The following TTC33 variants were observed in gnomAD, a reference collection of about 807,000 sequenced individuals.
TTC33 encodes tetratricopeptide repeat domain 33.
TTC33 carries 24 observed loss-of-function variants against 29.4 expected under a neutral mutation model. The ratio of observed to expected loss-of-function variants is 0.82; its 90% CI spans 0.59 to 1.15. The LOEUF (loss-of-function observed/expected upper bound fraction) is 1.15, where lower values mean the gene tolerates loss of function less well. Among genes scored for constraint, TTC33 ranks in the 50% most tolerant of loss-of-function variants. The pLI is 0.00. For missense variants in TTC33, 286 were observed against 310.4 expected (o/e 0.92, Z 0.59); for synonymous variants, 107 against 100.3 (o/e 1.07, Z -0.40).
At chr5:40,732,005 T>C (rs1385906253) in intron 2 of TTC33, among the ~76,000 whole-genome samples, 1 of 152,210 alleles carries the variant, frequency 6.6e-6, no homozygotes, top group Non-Finnish European at 1.5e-5. Flanking sequence ...TAAGTGAATA[T>C]AAATTTGGTG....
intron 2 of TTC33, among the ~76,000 whole-genome samples, chr5:40,737,484 C>T (rs1053669933): frequency 2.0e-5 from 3 of 152,074 alleles, no homozygotes; most frequent in Admixed American, 6.6e-5. Flanking sequence ...AAATTCAGAA[C>T]ACAAAGACAT....
At chr5:40,754,514 G>A (rs1019262408) in intron 1 of TTC33, among the ~76,000 whole-genome samples, 8 of 152,148 alleles carry the variant, frequency 5.3e-5, no homozygotes, top group African/African-American at 1.9e-4. Flanking sequence ...TAGTCACTGT[G>A]GAGATAAGGA....
At chr5:40,723,256 A>G (rs1445450041) in intron 4 of TTC33, among the ~76,000 whole-genome samples, 1 of 152,080 alleles carries the variant, frequency 6.6e-6, no homozygotes, top group East Asian at 1.9e-4. Flanking sequence ...AAGAGTCATC[A>G]CCACTCCCTA....
intron 2 of TTC33, among the ~76,000 whole-genome samples, chr5:40,735,951 C>G (rs1742540670): frequency 6.6e-6 from 1 of 152,074 alleles, no homozygotes; most frequent in Non-Finnish European, 1.5e-5. Context: ...GCAGTGGGAG[C>G]AGAGAAATGG....
intron 4 of TTC33, among the ~76,000 whole-genome samples, chr5:40,723,848 G>C (rs1742215483): frequency 6.6e-6 from 1 of 152,070 alleles, no homozygotes; most frequent in Admixed American, 6.6e-5. Flanking sequence ...CTGGGCGACA[G>C]AGCAAGATTC....
At chr5:40,748,224 G>C (rs1374133412) in intron 1 of TTC33, among the ~76,000 whole-genome samples, 1 of 150,812 alleles carries the variant, frequency 6.6e-6, no homozygotes, top group Non-Finnish European at 1.5e-5. Flanking sequence ...TTGAGATGGA[G>C]TTTTGCTCGT....
intron 2 of TTC33, among the ~76,000 whole-genome samples, chr5:40,739,712 C>A (rs1352744708): frequency 1.3e-5 from 2 of 152,168 alleles, no homozygotes; most frequent in Non-Finnish European, 2.9e-5. Context: ...GCCCACAGAA[C>A]CGTGAGCCAA....
chr5:40,713,554 G>A lies in TTC33; in HGVS notation c.*2591C>T, dbSNP rs1451761981. Among the ~76,000 whole-genome samples, 1 of 152,068 alleles carries A rather than the reference G, an allele frequency of 6.6e-6. No homozygotes were observed. Among genetic ancestry groups the A allele is most frequent in the Non-Finnish European group, 1.5e-5 (1 of 67,992 alleles). On this transcript the variant is annotated 3_prime_UTR_variant, in exon 5 of 5. Coordinates refer to ENST00000337702, the MANE Select transcript of TTC33 (RefSeq NM_012382.3). ...ACTTGCATGGCTTTTCAATGTTTAT[G>A]TAGTGTCTGTTAATATATTTAAGAT...
At position 40,747,031 on chromosome 5, in the gene TTC33, C is replaced by A. The variant is rs769700396; in HGVS notation, c.-1-12G>T. On this transcript the variant is annotated splice_polypyrimidine_tract_variant and intron_variant, in intron 1 of 4. Coordinates refer to ENST00000337702, the MANE Select transcript of TTC33 (RefSeq NM_012382.3). ...CAAAGGAAGCCATTCTGGAAAATTA[C>A]AAAGAAACAGCTTTAAAATTCTAAC... The A allele has an allele frequency of 1.2e-5, 19 of 1,580,628 alleles. No individual in the cohort carries two copies. Among genetic ancestry groups the A allele is most frequent in the Admixed American group, 1.8e-5 (1 of 55,272 alleles).
chr5:40,743,647 C>T (rs1055139659), intron 2 of TTC33, among the ~76,000 whole-genome samples: 3 of 152,086 alleles, frequency 2.0e-5, no homozygotes, highest in Non-Finnish European at 4.4e-5. Flanking sequence ...GTGGCACACA[C>T]TTGTAATCCC....
intron 2 of TTC33, 50 bp downstream of exon 2, chr5:40,746,748 G>A (rs775289356): frequency 7.3e-7 from 1 of 1,373,652 alleles, no homozygotes; most frequent in Non-Finnish European, 1.0e-6. Context: ...CGGACAGTGA[G>A]CTAGAAAATG....
At chr5:40,744,336 T>A (rs1472514315) in intron 2 of TTC33, among the ~76,000 whole-genome samples, 3 of 152,208 alleles carry the variant, frequency 2.0e-5, no homozygotes, top group Non-Finnish European at 2.9e-5. Flanking sequence ...ATTTCATAGC[T>A]TAAGCACATT....
intron 2 of TTC33, among the ~76,000 whole-genome samples, chr5:40,730,660 T>A (rs1742405690): frequency 1.3e-5 from 2 of 152,170 alleles, no homozygotes; most frequent in Non-Finnish European, 2.9e-5. Context: ...GGAGGAGCAG[T>A]CATGTACTTT....
chr5:40,727,110 T>C (rs1427190675), intron 4 of TTC33, among the ~76,000 whole-genome samples: 3 of 152,160 alleles, frequency 2.0e-5, no homozygotes, highest in Non-Finnish European at 4.4e-5. Context: ...AACACCTTTT[T>C]TGGTAAGTAG....
intron 4 of TTC33, among the ~76,000 whole-genome samples, chr5:40,725,649 T>C (rs1406348656): frequency 6.6e-6 from 1 of 152,142 alleles, no homozygotes; most frequent in African/African-American, 2.4e-5. Context: ...TACTGTTACC[T>C]CCTGGTATTC....
Position 40,711,820 on chromosome 5 carries a change from A to G in TTC33, c.*4325T>C, listed in dbSNP as rs996262257. ...CAGACACAAAAAGAGTGCATATTAT[A>G]TGGCCTATTTATTTCAAACTCTAGA... On this transcript the variant is annotated 3_prime_UTR_variant, in exon 5 of 5. Transcript: ENST00000337702. Among the ~76,000 whole-genome samples the G allele has an allele frequency of 6.6e-6, 1 of 152,132 alleles. No homozygotes were observed. The highest frequency in any genetic ancestry group is 2.4e-5 in the African/African-American group (1 of 41,440).
rs1741905357 is a variant in TTC33, at chr5:40,711,912, C to G, written c.*4233G>C. Among the ~76,000 whole-genome samples the G allele has an allele frequency of 6.6e-6, 1 of 152,040 alleles. No individual in the cohort carries two copies. Among genetic ancestry groups the G allele is most frequent in the Non-Finnish European group, 1.5e-5 (1 of 67,996 alleles). ...AAGTAGTTGACTAGGGATGGCTGTT[C>G]AGGTGGAGGGGAACCAACTGCAAAA... On this transcript the variant is annotated 3_prime_UTR_variant, in exon 5 of 5. Transcript: ENST00000337702.
At chr5:40,751,879 C>T (rs1742902149) in intron 1 of TTC33, among the ~76,000 whole-genome samples, 1 of 151,674 alleles carries the variant, frequency 6.6e-6, no homozygotes, top group Non-Finnish European at 1.5e-5. Context: ...ATCGCTTGAA[C>T]CCAGGAGGCG....
At chr5:40,726,553 A>T (rs559915432) in intron 4 of TTC33, among the ~76,000 whole-genome samples, 66 of 151,894 alleles carry the variant, frequency 4.3e-4, no homozygotes, top group African/African-American at 1.5e-3. Context: ...TAAATGGCAA[A>T]AAAAAAATAC....
Sources: gnomAD v4.1 joint callset for allele counts (sites outside exome capture counted in the v4.1 genomes callset) on GRCh38, gnomAD v4.1.1 for gene constraint, MANE v1.5 for transcripts, NCBI Gene and HGNC (gene_info 2026-07-23, HGNC 2026-07-21) for gene names.